DNAJC7: variants seen among roughly 807,000 people sequenced by gnomAD.
DNAJC7 encodes the protein dnaJ homolog subfamily C member 7.
DNAJC7 carries 18 observed loss-of-function variants against 67.4 expected under a neutral mutation model. That is an observed-to-expected ratio of 0.27 (90% confidence interval 0.18 to 0.40). The LOEUF (loss-of-function observed/expected upper bound fraction) is 0.40, where lower values mean the gene tolerates loss of function less well. DNAJC7 is among the 10% of genes least tolerant of loss of function. DNAJC7 has a pLI of 1.00. For synonymous variants in DNAJC7, 220 were observed against 207.8 expected (o/e 1.06, Z -0.50); for missense variants, 419 against 613.8 (o/e 0.68, Z 3.35).
At chr17:41,982,824 G>A (rs1345470201) in intron 10 of DNAJC7, among the ~76,000 whole-genome samples, 13 of 152,158 alleles carry the variant, frequency 8.5e-5, no homozygotes, top group African/African-American at 2.9e-4. Flanking sequence ...GCCAGGCGTG[G>A]TACCATGTGC....
chr17:41,977,520 TA>T (rs1424498791), intron 12 of DNAJC7, 197 bp from the exon 13 acceptor site: 2 of 502,250 alleles, frequency 4.0e-6, no homozygotes, highest in East Asian at 6.8e-5. Context: ...ATCCCACTCC[TA>T]GGACATGTTC....
intron 2 of DNAJC7, among the ~76,000 whole-genome samples, chr17:42,000,007 CAG>C (rs1555649265): frequency 6.8e-6 from 1 of 146,344 alleles, no homozygotes; most frequent in African/African-American, 2.5e-5. Flanking sequence ...TTAGTAGAGA[CAG>C]GGTTTCGTCA....
chr17:41,995,397 T>C (rs941586955), intron 4 of DNAJC7, among the ~76,000 whole-genome samples: 4 of 152,208 alleles, frequency 2.6e-5, no homozygotes, highest in Non-Finnish European at 4.4e-5. Flanking sequence ...ATTGAGCATA[T>C]GTTTTGAGAT....
chr17:42,017,275 G>A, intron 1 of DNAJC7, 65 bp downstream of exon 1: 3 of 1,606,578 alleles, frequency 1.9e-6, no homozygotes, highest in South Asian at 1.1e-5. Context: ...CATCATGGCA[G>A]GAACGAGTTT....
chr17:41,977,968 A>C (rs2051136925), intron 12 of DNAJC7, among the ~76,000 whole-genome samples: 1 of 151,944 alleles, frequency 6.6e-6, no homozygotes. Flanking sequence ...ACAACAACAA[A>C]CCAACAAAAA....
At chr17:41,990,007 C>G (rs188588048) in intron 6 of DNAJC7, among the ~76,000 whole-genome samples, 2 of 152,344 alleles carry the variant, frequency 1.3e-5, no homozygotes, top group Admixed American at 6.5e-5. Context: ...AGGAAAAGGA[C>G]TACCTTAAAC....
Position 41,994,898 on chromosome 17 carries a change from G to C in DNAJC7, c.452C>G (p.Thr151Arg), listed in dbSNP as rs1455724999. The change falls in exon 5 of 14, where the codon ACA (threonine) becomes AGA (arginine). Residue 151 changes from threonine to arginine, a missense_variant. Physicochemically the swap from Thr to Arg is moderately conservative, Grantham distance 71. Coordinates refer to ENST00000457167, the MANE Select transcript of DNAJC7 (RefSeq NM_003315.4). ...CCGAAAATCTCGCTTCTCAAAATCTGTTTCTGCTATTTTCTCATATTCCAT... is the reference window on the plus strand; with the variant it reads ...CCGAAAATCTCGCTTCTCAAAATCTCTTTCTGCTATTTTCTCATATTCCAT... The part of the protein sequence containing the change: ...AVMEYEKIAE[T>R]DFEKRDFRKV... 6 of 1,613,758 alleles carry C rather than the reference G, an allele frequency of 3.7e-6. No homozygotes were observed. The highest frequency in any genetic ancestry group is 1.6e-4 in the Middle Eastern group (1 of 6,084).
chr17:41,997,023 ATGTCAGTAG>A, intron 3 of DNAJC7, 83 bp downstream of exon 3: 1 of 1,580,338 alleles, frequency 6.3e-7, no homozygotes, highest in Non-Finnish European at 8.6e-7. Context: ...CTGGTCCCAA[ATGTCAGTAG>A]TGTCAAGGTT....
chr17:42,004,484 G>A (rs1400551757), intron 1 of DNAJC7, among the ~76,000 whole-genome samples: 3 of 152,190 alleles, frequency 2.0e-5, no homozygotes, highest in Non-Finnish European at 4.4e-5. Flanking sequence ...TAGCTTCACA[G>A]CTCTGATTCA....
intron 6 of DNAJC7, among the ~76,000 whole-genome samples, chr17:41,989,899 T>A (rs2051470519): frequency 6.6e-6 from 1 of 152,252 alleles, no homozygotes; most frequent in Non-Finnish European, 1.5e-5. Flanking sequence ...ACCTTTGCAC[T>A]GCAATGGCAG....
intron 2 of DNAJC7, among the ~76,000 whole-genome samples, chr17:41,998,622 T>C (rs1555649005): frequency 6.6e-6 from 1 of 152,218 alleles, no homozygotes; most frequent in African/African-American, 2.4e-5. Flanking sequence ...CTTAATGAAC[T>C]GTTTTGTATA....
chr17:42,004,748 G>C (rs1443992606), intron 1 of DNAJC7, among the ~76,000 whole-genome samples: 2 of 152,150 alleles, frequency 1.3e-5, no homozygotes, highest in Admixed American at 6.6e-5. Context: ...CTTGCTGGGC[G>C]CAATGTCTCA....
chr17:41,982,530 T>C, intron 10 of DNAJC7, 129 bp from the exon 11 acceptor site: 1 of 1,225,396 alleles, frequency 8.2e-7, no homozygotes, highest in Non-Finnish European at 1.1e-6. Flanking sequence ...TGCTTTCTTC[T>C]GGAGATTAGA....
intron 12 of DNAJC7, among the ~76,000 whole-genome samples, chr17:41,979,855 G>A (rs1555645685): frequency 3.3e-5 from 5 of 151,280 alleles, no homozygotes. Flanking sequence ...CAGCTACTCG[G>A]GAGGCTGAGG....
intron 1 of DNAJC7, among the ~76,000 whole-genome samples, chr17:42,002,057 A>G (rs1346967934): frequency 2.0e-5 from 3 of 152,092 alleles, no homozygotes; most frequent in Non-Finnish European, 4.4e-5. Flanking sequence ...TAAAGAACCA[A>G]CTGAAATCTT....
Position 41,988,839 on chromosome 17 carries a change from T to C in DNAJC7, c.811A>G (p.Asn271Asp). 1 of 1,613,838 alleles carries C rather than the reference T, an allele frequency of 6.2e-7. No homozygotes were observed. The highest frequency in any genetic ancestry group is 8.5e-7 in the Non-Finnish European group (1 of 1,179,834). ...EDGNKAFKEG[N>D]YKLAYELYTE... ...TACAGTTCATATGCTAGTTTGTAAT[T>C]TCCTTCCTTAAATGCTTTATTCCCA... The change falls in exon 8 of 14, where the codon AAT becomes GAT. Residue 271 changes from asparagine (N) to aspartate (D), a missense_variant. Physicochemically the swap from Asn to Asp is conservative, Grantham distance 23 (BLOSUM62 1). Around this residue, in one of 4 missense-constraint regions of DNAJC7, gnomAD observed 16 missense variants for 57.9 expected, o/e 0.28. Transcript: ENST00000457167.
chr17:42,003,662 T>C (rs1555649755), intron 1 of DNAJC7: 3 of 151,990 alleles, frequency 2.0e-5, no homozygotes, highest in Admixed American at 2.0e-4. Flanking sequence ...GATAGCCAAG[T>C]GAGGTTGTAA....
At chr17:41,992,526 G>C (rs2051535707) in intron 5 of DNAJC7, 1 of 152,154 alleles carries the variant, frequency 6.6e-6, no homozygotes, top group African/African-American at 2.4e-5. Flanking sequence ...TGTAGGTAGA[G>C]TTGTGCTAAC....
chr17:41,981,673 A>T, intron 12 of DNAJC7, 182 bp downstream of exon 12: 4 of 783,514 alleles, frequency 5.1e-6, no homozygotes, highest in East Asian at 2.7e-5. Context: ...TCGCCTCCTC[A>T]GAGCTCACTG....
Sources: gnomAD v4.1 joint callset for allele counts (sites outside exome capture counted in the v4.1 genomes callset) on GRCh38, gnomAD v4.1.1 for gene constraint, gnomAD v4.1.1 regional missense constraint, MANE v1.5 for transcripts, NCBI Gene and HGNC (gene_info 2026-07-23, HGNC 2026-07-21) for gene names.